The following PRKAG2 variants were observed in gnomAD, a reference collection of about 807,000 sequenced individuals.
The protein encoded by PRKAG2 is 5'-AMP-activated protein kinase subunit gamma-2.
A neutral mutation model predicts 69.6 loss-of-function variants in PRKAG2; 26 were observed. The observed-to-expected ratio is 0.37, with a 90% CI of 0.27 to 0.52. The LOEUF (loss-of-function observed/expected upper bound fraction) is 0.52. Ranked by LOEUF, PRKAG2 falls within the 20% of genes least tolerant of loss-of-function variation. The pLI is 0.90. For synonymous variants in PRKAG2, 293 were observed against 285.0 expected, an observed-to-expected ratio of 1.03 and a Z score of -0.28; for missense variants, 557 against 740.0, an observed-to-expected ratio of 0.75 and a Z score of 2.87.
intron 4 of PRKAG2, among the ~76,000 whole-genome samples, chr7:151,644,282 T>TA (rs553443433): frequency 6.6e-6 from 1 of 152,132 alleles, no homozygotes; most frequent in Non-Finnish European, 1.5e-5. Context: ...AAGAGAAAAT[T>TA]AAAAAAATAA....
chr7:151,706,213 C>T (rs1453200294), intron 3 of PRKAG2, among the ~76,000 whole-genome samples: 1 of 152,222 alleles, frequency 6.6e-6, no homozygotes, highest in Non-Finnish European at 1.5e-5. Flanking sequence ...GCCTTGAAGT[C>T]TGGCTCTGGA....
At chr7:151,862,132 G>T (rs572489271) in intron 1 of PRKAG2, among the ~76,000 whole-genome samples, 3 of 152,070 alleles carry the variant, frequency 2.0e-5, no homozygotes, top group African/African-American at 7.2e-5. Context: ...CTAGGCGCCC[G>T]GCCCGTCTCC....
At chr7:151,670,363 C>T (rs117193415) in intron 4 of PRKAG2, among the ~76,000 whole-genome samples, 1 of 152,296 alleles carries the variant, frequency 6.6e-6, no homozygotes, top group East Asian at 1.9e-4. Flanking sequence ...CAAAATTGCC[C>T]TCTACTTTTA....
At chr7:151,858,170 G>C (rs1412052529) in intron 1 of PRKAG2, among the ~76,000 whole-genome samples, 1 of 152,198 alleles carries the variant, frequency 6.6e-6, no homozygotes, top group African/African-American at 2.4e-5. Flanking sequence ...AGGCTCAGAA[G>C]GGTGGGCTGA....
intron 1 of PRKAG2, among the ~76,000 whole-genome samples, chr7:151,833,472 C>A (rs1400350341): frequency 6.6e-6 from 1 of 152,126 alleles, no homozygotes; most frequent in Non-Finnish European, 1.5e-5. Context: ...GGGAAGTCTG[C>A]AGGGATGGTG....
intron 4 of PRKAG2, among the ~76,000 whole-genome samples, chr7:151,636,089 G>T (rs1175746840): frequency 6.6e-6 from 1 of 151,776 alleles, no homozygotes; most frequent in Non-Finnish European, 1.5e-5. Flanking sequence ...CTGACCTCGT[G>T]ATCCACCCGC....
At chr7:151,749,206 C>G (rs940674210) in intron 3 of PRKAG2, among the ~76,000 whole-genome samples, 9 of 152,242 alleles carry the variant, frequency 5.9e-5, no homozygotes. Context: ...CATCTTTTCT[C>G]TCTCCTCACT....
chr7:151,593,511 A>C (rs7810070), intron 6 of PRKAG2, among the ~76,000 whole-genome samples: 18 of 150,964 alleles, frequency 1.2e-4, no homozygotes, highest in South Asian at 6.5e-4. Flanking sequence ...GCTTATTTTT[A>C]AGTTGGTAGA....
chr7:151,575,316 G>C (rs1032834358), intron 7 of PRKAG2, among the ~76,000 whole-genome samples: 1 of 152,108 alleles, frequency 6.6e-6, no homozygotes, highest in Admixed American at 6.6e-5. Context: ...TGACAATTCT[G>C]GGCACTTGGA....
chr7:151,727,560 G>A (rs1366233384), intron 3 of PRKAG2, among the ~76,000 whole-genome samples: 1 of 152,186 alleles, frequency 6.6e-6, no homozygotes, highest in Non-Finnish European at 1.5e-5. Context: ...GGAGACGCAG[G>A]GGTTTGCTCC....
chr7:151,769,583 G>A (rs2075915635), intron 3 of PRKAG2, among the ~76,000 whole-genome samples: 1 of 152,218 alleles, frequency 6.6e-6, no homozygotes, highest in African/African-American at 2.4e-5. Context: ...CCTTCAGAGG[G>A]AGCATGGTCC....
At chr7:151,694,257 T>C (rs1836214208) in intron 3 of PRKAG2, among the ~76,000 whole-genome samples, 1 of 152,262 alleles carries the variant, frequency 6.6e-6, no homozygotes, top group Non-Finnish European at 1.5e-5. Context: ...TTAGCTAATT[T>C]GTTGATCCAA....
At chr7:151,806,881 G>A (rs1303888557) in intron 1 of PRKAG2, 3 of 423,224 alleles carry the variant, frequency 7.1e-6, no homozygotes, top group African/African-American at 2.1e-5. Flanking sequence ...CACGAGAATC[G>A]CTTGAACCTG....
chr7:151,697,084 G>A (rs958219958), intron 3 of PRKAG2, among the ~76,000 whole-genome samples: 1 of 152,062 alleles, frequency 6.6e-6, no homozygotes, highest in Non-Finnish European at 1.5e-5. Context: ...GAAGGGGTGT[G>A]TAGCCTGGGA....
At chr7:151,619,583 A>G (rs530680759) in intron 5 of PRKAG2, among the ~76,000 whole-genome samples, 3 of 152,144 alleles carry the variant, frequency 2.0e-5, no homozygotes, top group South Asian at 4.1e-4. Flanking sequence ...TTTCATGCAC[A>G]AAGTTATTAA....
At chr7:151,559,558 C>T in intron 15 of PRKAG2, 2 of 984,638 alleles carry the variant, frequency 2.0e-6, no homozygotes, top group Non-Finnish European at 2.4e-6. Flanking sequence ...CACTGCTGTA[C>T]TGGAATTTCT....
intron 3 of PRKAG2, among the ~76,000 whole-genome samples, chr7:151,678,690 G>A (rs1833345520): frequency 2.6e-5 from 4 of 152,244 alleles, no homozygotes; most frequent in African/African-American, 9.6e-5. Flanking sequence ...CAGGTGCAGT[G>A]GCTCATGCCT....
At chr7:151,619,403 C>T (rs578092697) in intron 5 of PRKAG2, among the ~76,000 whole-genome samples, 145 of 152,270 alleles carry the variant, frequency 9.5e-4, no homozygotes, top group African/African-American at 3.1e-3. Context: ...CAAAACTTTC[C>T]GAGTGCCAAC....
rs1178197347 is a variant in PRKAG2 at position 151,850,646 on chromosome 7, T to G, written c.114+25861A>C. Among the ~76,000 whole-genome samples, 1 of 152,106 alleles carries G rather than the reference T, an allele frequency of 6.6e-6. No homozygotes were observed. Among genetic ancestry groups the G allele is most frequent in the East Asian group, 1.9e-4 (1 of 5,188 alleles). On this transcript the variant is annotated intron_variant, in intron 1 of 15. Coordinates refer to ENST00000287878, the MANE Select transcript of PRKAG2 (RefSeq NM_016203.4). The surrounding 1 kb of genome is among the most constrained non-coding windows in gnomAD (Gnocchi z 4.1). ...TACACTCCTTCCCGCCTGCCCCACC[T>G]CCATCGTCCTGTGTCCAGGAACATG...
Sources: gnomAD v4.1 joint callset for allele counts (sites outside exome capture counted in the v4.1 genomes callset) on GRCh38, gnomAD v4.1.1 for gene constraint, Gnocchi (gnomAD v3.1) non-coding constraint, MANE v1.5 for transcripts, NCBI Gene and HGNC (gene_info 2026-07-23, HGNC 2026-07-21) for gene names.